Variants in ERC1 observed in about 807,000 individuals in gnomAD.
ERC1 encodes ELKS/RAB6-interacting/CAST family member 1.
In ERC1, 56 loss-of-function variants were observed where a neutral mutation model predicts 132.0. The ratio of observed to expected loss-of-function variants is 0.42; its 90% confidence interval spans 0.34 to 0.53. The LOEUF is 0.53. Among genes scored for constraint, ERC1 ranks in the 20% least tolerant of loss-of-function variants. The pLI is 0.03. For missense variants in ERC1, 1,202 were observed against 1,349.9 expected, an observed-to-expected ratio of 0.89 and a Z score of 1.72; for synonymous variants, 478 against 476.1, an observed-to-expected ratio of 1.00 and a Z score of -0.05.
intron 17 of ERC1, among the ~76,000 whole-genome samples, chr12:1,431,659 T>C (rs950608016): frequency 2.0e-5 from 3 of 152,354 alleles, no homozygotes; most frequent in African/African-American, 7.2e-5. Context: ...CCAAATCCAA[T>C]TTTCCATTTA....
chr12:1,033,325 C>A (rs573124037), intron 2 of ERC1, among the ~76,000 whole-genome samples: 1 of 152,146 alleles, frequency 6.6e-6, no homozygotes, highest in African/African-American at 2.4e-5. Context: ...TATGAGCCAC[C>A]GTGCCTGGCC....
intron 8 of ERC1, among the ~76,000 whole-genome samples, chr12:1,167,710 T>G (rs1414041996): frequency 6.6e-6 from 1 of 151,534 alleles, no homozygotes; most frequent in Non-Finnish European, 1.5e-5. Context: ...GGCTTCTTTT[T>G]TCTTTTCTTT....
chr12:1,299,939 G>GA (rs1352219584), intron 15 of ERC1, among the ~76,000 whole-genome samples: 1 of 152,130 alleles, frequency 6.6e-6, no homozygotes, highest in Non-Finnish European at 1.5e-5. Context: ...ATAGAAAAGT[G>GA]AGCAGGCCTT....
chr12:1,021,360 A>G (rs956054843), intron 1 of ERC1, among the ~76,000 whole-genome samples: 1 of 151,876 alleles, frequency 6.6e-6, no homozygotes, highest in Non-Finnish European at 1.5e-5. Flanking sequence ...TTGCGGGAGG[A>G]GGTAATGTCT....
At chr12:1,450,731 C>T (rs1370221419) in intron 18 of ERC1, among the ~76,000 whole-genome samples, 1 of 152,168 alleles carries the variant, frequency 6.6e-6, no homozygotes, top group Non-Finnish European at 1.5e-5. Context: ...TACTGTTTTC[C>T]ACAGCGGCTG....
intron 15 of ERC1, among the ~76,000 whole-genome samples, chr12:1,355,565 T>A (rs766134716): frequency 7.2e-5 from 11 of 152,260 alleles, no homozygotes; most frequent in Non-Finnish European, 1.6e-4. Context: ...TTACTGTCTC[T>A]TGCTGTACTT....
intron 8 of ERC1, among the ~76,000 whole-genome samples, chr12:1,179,487 T>C (rs1954114996): frequency 1.3e-5 from 2 of 148,898 alleles, no homozygotes; most frequent in African/African-American, 5.0e-5. Context: ...TAAAAATGAG[T>C]CTATTCATTT....
intron 15 of ERC1, among the ~76,000 whole-genome samples, chr12:1,298,764 T>A (rs148130564): frequency 6.7e-6 from 1 of 149,524 alleles, no homozygotes; most frequent in Non-Finnish European, 1.5e-5. Context: ...ACAGAGATAC[T>A]AGATTAGAAA....
intron 2 of ERC1, among the ~76,000 whole-genome samples, chr12:1,067,248 T>C (rs1012123763): frequency 2.0e-5 from 3 of 152,226 alleles, no homozygotes; most frequent in African/African-American, 7.2e-5. Context: ...TTTGAAAAGT[T>C]TTTAGTGTAA....
chr12:1,391,678 G>A (rs759456450), intron 16 of ERC1, among the ~76,000 whole-genome samples: 10 of 152,286 alleles, frequency 6.6e-5, no homozygotes, highest in Middle Eastern at 3.4e-3. Context: ...CATGGGGCCC[G>A]CCGCTTGGTC....
intron 1 of ERC1, among the ~76,000 whole-genome samples, chr12:992,128 A>G (rs1959597548): frequency 2.0e-5 from 3 of 152,132 alleles, no homozygotes; most frequent in Admixed American, 2.0e-4. Flanking sequence ...TTTGGGTCGC[A>G]TTACGCTTAG....
rs1034929545 is a variant in ERC1 at position 1,106,819 on chromosome 12, T to C, written c.1161+1995T>C. Among the ~76,000 whole-genome samples the C allele has an allele frequency of 2.6e-5, 4 of 152,234 alleles. 1 individual carries two copies. Among genetic ancestry groups the C allele is most frequent in the Non-Finnish European group, 5.9e-5 (4 of 68,034 alleles). ...GACAGAATGAGGACGAGTAATAGTATTACTTGGTGGCAATGGATGCATTTT... is the reference window on the plus strand; with the variant it reads ...GACAGAATGAGGACGAGTAATAGTACTACTTGGTGGCAATGGATGCATTTT... On this transcript the variant is annotated intron_variant, in intron 4 of 18. Transcript: ENST00000360905.
At chr12:1,323,157 A>G in intron 15 of ERC1, among the ~76,000 whole-genome samples, 1 of 146,190 alleles carries the variant, frequency 6.8e-6, no homozygotes, top group Non-Finnish European at 1.6e-5. Flanking sequence ...CATTTGACAA[A>G]TAATTTTGGA....
chr12:1,386,214 T>G (rs1054018375), intron 16 of ERC1, among the ~76,000 whole-genome samples: 1 of 151,658 alleles, frequency 6.6e-6, no homozygotes, highest in Non-Finnish European at 1.5e-5. Context: ...TATTTTTGTA[T>G]TTTTAGTAGA....
intron 12 of ERC1, among the ~76,000 whole-genome samples, chr12:1,215,720 G>A (rs1208744813): frequency 2.0e-5 from 3 of 152,004 alleles, no homozygotes; most frequent in Admixed American, 6.6e-5. Context: ...TCTTATGCTC[G>A]GCAAAGACAG....
intron 17 of ERC1, among the ~76,000 whole-genome samples, chr12:1,424,864 CGATAGATAGA>C (rs2092578617): frequency 9.9e-6 from 1 of 100,950 alleles, no homozygotes; most frequent in African/African-American, 3.8e-5. Context: ...ATAGATAGAT[CGATAGATAGA>C]TAGATAGATA....
At chr12:1,333,620 C>T (rs954352571) in intron 15 of ERC1, among the ~76,000 whole-genome samples, 20 of 152,206 alleles carry the variant, frequency 1.3e-4, no homozygotes, top group African/African-American at 2.9e-4. Flanking sequence ...CGTGAGCCAC[C>T]GCACCCGGCC....
At chr12:1,170,712 T>G (rs978161820) in intron 8 of ERC1, among the ~76,000 whole-genome samples, 1 of 152,218 alleles carries the variant, frequency 6.6e-6, no homozygotes, top group Non-Finnish European at 1.5e-5. Flanking sequence ...CCAGCTTTTG[T>G]GTCATTGTAT....
At chr12:1,104,314 T>G (rs1945010002) in intron 3 of ERC1, among the ~76,000 whole-genome samples, 1 of 152,152 alleles carries the variant, frequency 6.6e-6, no homozygotes, top group Admixed American at 6.5e-5. Flanking sequence ...CAACACAGAT[T>G]GCTTTCCACA....
Sources: allele counts gnomAD v4.1 joint callset (sites outside exome capture counted in the v4.1 genomes callset), GRCh38; gene constraint gnomAD v4.1.1; transcripts MANE v1.5; gene names NCBI Gene and HGNC (gene_info 2026-07-23, HGNC 2026-07-21).